LMBR1: variants seen among roughly 807,000 people sequenced by gnomAD.
LMBR1 encodes limb region 1 protein homolog.
A neutral mutation model predicts 73.9 loss-of-function variants in LMBR1; 52 were observed. The observed-to-expected ratio is 0.70, with a 90% CI of 0.56 to 0.89. The LOEUF (loss-of-function observed/expected upper bound fraction) is 0.89. LMBR1 is among the 40% of genes least tolerant of loss of function. The pLI, the probability that LMBR1 is intolerant of heterozygous loss-of-function variation, is 0.00. For synonymous variants in LMBR1, 215 were observed against 209.4 expected (o/e 1.03, Z -0.23); for missense variants, 539 against 579.8 (o/e 0.93, Z 0.72).
chr7:156,852,130 C>T (rs1159953891), intron 1 of LMBR1, among the ~76,000 whole-genome samples: 5 of 151,976 alleles, frequency 3.3e-5, no homozygotes, highest in Admixed American at 6.6e-5. Context: ...ATAAAGATTT[C>T]GGTCCAGGTC....
At chr7:156,794,295 T>A (rs111334103) in intron 5 of LMBR1, among the ~76,000 whole-genome samples, 4,255 of 152,250 alleles carry the variant, frequency 0.028, 204 homozygotes, top group African/African-American at 0.097. Flanking sequence ...GACTAAAAAT[T>A]TTTTTAAAAT....
chr7:156,873,421 G>A (rs1799640461), intron 1 of LMBR1, among the ~76,000 whole-genome samples: 1 of 152,156 alleles, frequency 6.6e-6, no homozygotes, highest in Non-Finnish European at 1.5e-5. Flanking sequence ...AAGATTTATT[G>A]CAAAGAGCGA....
chr7:156,813,609 T>C (rs1833455787), intron 4 of LMBR1, among the ~76,000 whole-genome samples: 2 of 152,346 alleles, frequency 1.3e-5, no homozygotes, highest in South Asian at 4.1e-4. Context: ...TATTCCAGTA[T>C]ACATTTCTAC....
At chr7:156,673,740 A>G (rs1158508368), downstream of LMBR1, among the ~76,000 whole-genome samples, 2 of 152,142 alleles carry the variant, frequency 1.3e-5, no homozygotes, top group African/African-American at 2.4e-5. Flanking sequence ...CTAACATCCC[A>G]GGGAGAAAGG....
At chr7:156,689,092 TTAAA>T (rs1359697722) in intron 15 of LMBR1, among the ~76,000 whole-genome samples, 2 of 152,288 alleles carry the variant, frequency 1.3e-5, no homozygotes, top group African/African-American at 2.4e-5. Flanking sequence ...TAAAAATAGT[TTAAA>T]TAGTCATTCT....
intron 9 of LMBR1, chr7:156,748,040 C>T (rs1820162472): frequency 6.6e-6 from 1 of 152,204 alleles, no homozygotes; most frequent in Non-Finnish European, 1.5e-5. Flanking sequence ...CTGTTACTAT[C>T]TACAAAGGAG....
At chr7:156,782,471 C>T (rs1366553948) in intron 5 of LMBR1, among the ~76,000 whole-genome samples, 1 of 152,182 alleles carries the variant, frequency 6.6e-6, no homozygotes, top group Non-Finnish European at 1.5e-5. Flanking sequence ...ACATCCTTAC[C>T]AATGCTTGCT....
intron 5 of LMBR1, among the ~76,000 whole-genome samples, chr7:156,784,240 G>C (rs1827688084): frequency 6.6e-6 from 1 of 152,052 alleles, no homozygotes; most frequent in South Asian, 2.1e-4. Flanking sequence ...CACGGTGTTG[G>C]CTTTTCTCAA....
intron 15 of LMBR1, among the ~76,000 whole-genome samples, chr7:156,703,557 G>A (rs946862508): frequency 3.3e-5 from 5 of 152,202 alleles, no homozygotes; most frequent in African/African-American, 1.2e-4. Flanking sequence ...ATAGGAGAGG[G>A]ACACAAGTTC....
intron 15 of LMBR1, among the ~76,000 whole-genome samples, chr7:156,695,602 C>T (rs967318703): frequency 6.6e-6 from 1 of 152,130 alleles, no homozygotes; most frequent in Non-Finnish European, 1.5e-5. Flanking sequence ...ATTGCCATGA[C>T]AGCAGCACCA....
intron 5 of LMBR1, among the ~76,000 whole-genome samples, chr7:156,781,189 T>C (rs1277886176): frequency 6.6e-6 from 1 of 152,192 alleles, no homozygotes; most frequent in Non-Finnish European, 1.5e-5. Flanking sequence ...TAAAAGATAT[T>C]AAGTTTTAAA....
chr7:156,679,146 T>C lies in LMBR1; in HGVS notation c.*4932A>G, dbSNP rs2240643. The C allele has an allele frequency of 0.47, 70,729 of 151,854 alleles. 19,223 individuals carry two copies. The highest frequency in any genetic ancestry group is 0.76 in the African/African-American group (31,453 of 41,360). 9.4% of individuals were successfully genotyped at this position (151,854 alleles called of 1,614,324 possible). ...AGGCAAATGTCTGCAGCTTTCTCAG[T>C]GGCGTTCCTTGTCGGTAAAATGCAG... On this transcript the variant is annotated 3_prime_UTR_variant, in exon 17 of 17. Transcript: ENST00000353442.
At chr7:156,772,711 G>A (rs891583658) in intron 5 of LMBR1, among the ~76,000 whole-genome samples, 5 of 152,086 alleles carry the variant, frequency 3.3e-5, no homozygotes, top group African/African-American at 1.2e-4. Context: ...AGCTGGGCGT[G>A]GTGGCAGGCA....
intron 9 of LMBR1, among the ~76,000 whole-genome samples, chr7:156,752,322 T>A (rs1821057120): frequency 2.0e-5 from 3 of 152,128 alleles, no homozygotes; most frequent in Admixed American, 6.5e-5. Context: ...CTGGAGGGGA[T>A]ATGGGGTCAA....
intron 4 of LMBR1, among the ~76,000 whole-genome samples, chr7:156,671,820 G>A (rs1802613483): frequency 6.7e-6 from 1 of 149,200 alleles, no homozygotes; most frequent in Non-Finnish European, 1.5e-5. Context: ...TGACCACGGT[G>A]CAGCTGAGGC....
intron 5 of LMBR1, among the ~76,000 whole-genome samples, chr7:156,786,146 T>G (rs1343281594): frequency 7.9e-6 from 1 of 126,122 alleles, no homozygotes; most frequent in African/African-American, 3.1e-5. Context: ...AAAGAAGGAA[T>G]GAGGCCGGGA....
chr7:156,798,004 T>C (rs1017562180), intron 4 of LMBR1, among the ~76,000 whole-genome samples: 1 of 152,214 alleles, frequency 6.6e-6, no homozygotes, highest in Non-Finnish European at 1.5e-5. Flanking sequence ...TTCTGTTTTC[T>C]TTATTCAAAA....
chr7:156,797,879 T>C (rs1830314779), intron 4 of LMBR1, among the ~76,000 whole-genome samples: 1 of 152,174 alleles, frequency 6.6e-6, no homozygotes, highest in South Asian at 2.1e-4. Flanking sequence ...AAACAATATC[T>C]TAACATCTTT....
rs749774536 is a variant in LMBR1, at chr7:156,764,191, G to A, written c.424-396C>T. On this transcript the variant is annotated intron_variant, in intron 5 of 16. Transcript: ENST00000353442. ...TGAACTTGGTGCGCCACAATGCTCC[G>A]AGCTGCTGGAGAGCGCCGGCTCTCT... is the stretch of plus-strand genomic sequence containing the variant. 2.6e-5 allele frequency among the ~76,000 whole-genome samples: 4 copies of A among 152,226 alleles called. No individual in the cohort carries two copies. Among genetic ancestry groups the A allele is most frequent in the South Asian group, 4.1e-4 (2 of 4,822 alleles).
Sources: gnomAD v4.1 joint callset for allele counts (sites outside exome capture counted in the v4.1 genomes callset) on GRCh38, gnomAD v4.1.1 for gene constraint, MANE v1.5 for transcripts, NCBI Gene and HGNC (gene_info 2026-07-23, HGNC 2026-07-21) for gene names.